Variants in SCMH1 observed in about 807,000 individuals in gnomAD.
SCMH1 encodes the protein Scm polycomb group protein homolog 1, also known as polycomb protein SCMH1.
Under a neutral mutation model 70.8 loss-of-function variants are expected in SCMH1, and 37 were observed. That is an observed-to-expected ratio of 0.52 (90% CI 0.40 to 0.69). SCMH1 has a LOEUF of 0.69. SCMH1 is among the 30% of genes least tolerant of loss of function. SCMH1 has a pLI of 0.00. For synonymous variants in SCMH1, 292 were observed against 307.4 expected (o/e 0.95, Z 0.52); for missense variants, 607 against 827.3 (o/e 0.73, Z 3.27).
chr1:41,082,515 T>C (rs1165034806), intron 8 of SCMH1, among the ~76,000 whole-genome samples: 1 of 152,086 alleles, frequency 6.6e-6, no homozygotes. Context: ...AAGCAAATGC[T>C]AAGAGATTTT....
intron 1 of SCMH1, among the ~76,000 whole-genome samples, chr1:41,232,021 CAAA>C (rs58506638): frequency 1.0e-3 from 99 of 96,248 alleles, no homozygotes; most frequent in African/African-American, 4.0e-3. Context: ...AAGACTGTCT[CAAA>C]AAAAAAAAAA....
chr1:41,120,525 C>A (rs1671665391), intron 6 of SCMH1, among the ~76,000 whole-genome samples: 1 of 152,092 alleles, frequency 6.6e-6, no homozygotes, highest in African/African-American at 2.4e-5. Context: ...GTTTCACTAC[C>A]AGCAGGATTC....
At chr1:41,045,673 CT>C (rs1646810246) in intron 12 of SCMH1, 1 of 152,490 alleles carries the variant, frequency 6.6e-6, no homozygotes, top group Non-Finnish European at 1.5e-5. Context: ...ATCTGCAGGG[CT>C]TTTTTAAGGG....
chr1:41,125,047 C>T (rs1234887637), intron 6 of SCMH1, among the ~76,000 whole-genome samples: 1 of 152,158 alleles, frequency 6.6e-6, no homozygotes, highest in Non-Finnish European at 1.5e-5. Context: ...CAGTGTTCTT[C>T]ACTGTAATTT....
At chr1:41,106,244 T>C (rs982067333) in intron 8 of SCMH1, among the ~76,000 whole-genome samples, 2 of 151,744 alleles carry the variant, frequency 1.3e-5, no homozygotes, top group Non-Finnish European at 2.9e-5. Flanking sequence ...AGCCCCAGCG[T>C]TGGAGGTGGG....
At chr1:41,111,669 G>A (rs1669275928) in intron 8 of SCMH1, among the ~76,000 whole-genome samples, 1 of 152,144 alleles carries the variant, frequency 6.6e-6, no homozygotes, top group African/African-American at 2.4e-5. Context: ...CTCAGGCAAT[G>A]CATTCTAGTC....
intron 5 of SCMH1, 62 bp downstream of exon 5, chr1:41,151,552 G>C: frequency 7.3e-7 from 1 of 1,370,556 alleles, no homozygotes; most frequent in Non-Finnish European, 1.0e-6. Flanking sequence ...TGTTTTGATT[G>C]TCTAAAAACC....
chr1:41,109,375 A>G (rs1425363146), intron 8 of SCMH1, among the ~76,000 whole-genome samples: 1 of 152,266 alleles, frequency 6.6e-6, no homozygotes, highest in Non-Finnish European at 1.5e-5. Flanking sequence ...ACCAGAAGGT[A>G]GGAAAGAAGG....
intron 13 of SCMH1, among the ~76,000 whole-genome samples, chr1:41,036,044 C>T (rs571635984): frequency 6.6e-6 from 1 of 152,246 alleles, no homozygotes; most frequent in East Asian, 1.9e-4. Flanking sequence ...TTGAATATTC[C>T]TTTTTCTCCT....
chr1:41,222,783 G>A (rs978122190), intron 1 of SCMH1, among the ~76,000 whole-genome samples: 3 of 152,170 alleles, frequency 2.0e-5, no homozygotes, highest in Admixed American at 2.0e-4. Flanking sequence ...AACAGAAAGT[G>A]AGAATGGAAA....
intron 8 of SCMH1, among the ~76,000 whole-genome samples, chr1:41,102,520 T>C (rs1212675165): frequency 6.6e-6 from 1 of 152,194 alleles, no homozygotes; most frequent in East Asian, 1.9e-4. Context: ...TTTTCTCTCC[T>C]GACTCATTCC....
At chr1:41,139,513 T>C (rs1473222581) in intron 6 of SCMH1, among the ~76,000 whole-genome samples, 1 of 152,242 alleles carries the variant, frequency 6.6e-6, no homozygotes, top group Non-Finnish European at 1.5e-5. Flanking sequence ...TTGATTTACA[T>C]GGTCACTATG....
intron 5 of SCMH1, among the ~76,000 whole-genome samples, chr1:41,146,790 A>G (rs1644619755): frequency 6.6e-6 from 1 of 152,198 alleles, no homozygotes; most frequent in South Asian, 2.1e-4. Context: ...CCTATCGTTA[A>G]GCAATGCAAA....
chr1:41,228,839 G>A (rs1660771825), intron 1 of SCMH1, among the ~76,000 whole-genome samples: 1 of 152,158 alleles, frequency 6.6e-6, no homozygotes, highest in Non-Finnish European at 1.5e-5. Context: ...CGTGGAAGAT[G>A]ATTAAAGGGG....
chr1:41,028,445 CT>C, intron 14 of SCMH1, 126 bp from the exon 16 acceptor site: 1 of 1,503,868 alleles, frequency 6.6e-7, no homozygotes, highest in Non-Finnish European at 9.1e-7. Context: ...TCCAGTTCAC[CT>C]GCTGTGATGC....
intron 8 of SCMH1, among the ~76,000 whole-genome samples, chr1:41,087,206 C>T (rs771141400): frequency 1.3e-5 from 2 of 151,506 alleles, no homozygotes; most frequent in Non-Finnish European, 2.9e-5. Flanking sequence ...ATTTCTCACA[C>T]CAAATACAAG....
At chr1:41,046,297 T>C in intron 12 of SCMH1, 110 bp downstream of exon 12, 1 of 846,966 alleles carries the variant, frequency 1.2e-6, no homozygotes, top group Non-Finnish European at 1.9e-6. Flanking sequence ...AGCAGACCTC[T>C]AGATAGTAGG....
At chr1:41,028,116 G>A (rs922992807) in exon 15 of SCMH1, 4 of 1,578,760 alleles carry the variant, frequency 2.5e-6, no homozygotes, top group Non-Finnish European at 3.5e-6. Context: ...GAGGTGCCTG[G>A]GGTGGGCTGA....
chr1:41,205,099 C>A (rs1037017400), intron 1 of SCMH1, among the ~76,000 whole-genome samples: 6 of 152,168 alleles, frequency 3.9e-5, no homozygotes, highest in Admixed American at 6.5e-5. Context: ...ATAGGAACAG[C>A]TCCAGTCTGC....
Sources: gnomAD v4.1 joint callset for allele counts (sites outside exome capture counted in the v4.1 genomes callset) on GRCh38, gnomAD v4.1.1 for gene constraint, MANE v1.5 for transcripts, NCBI Gene and HGNC (gene_info 2026-07-23, HGNC 2026-07-21) for gene names.